FADS2: variants seen among roughly 807,000 people sequenced by gnomAD.
FADS2 encodes the protein acyl-CoA 6-desaturase.
Under a neutral mutation model 61.2 loss-of-function variants are expected in FADS2, and 18 were observed. The ratio of observed to expected loss-of-function variants is 0.29; its 90% CI spans 0.20 to 0.44. The LOEUF is 0.44. Ranked by LOEUF, FADS2 falls within the 20% of genes least tolerant of loss-of-function variation. FADS2 has a pLI of 1.00. For synonymous variants in FADS2, 203 were observed against 223.9 expected (o/e 0.91, Z 0.83); for missense variants, 322 against 572.7 (o/e 0.56, Z 4.47).
At chr11:61,836,842 T>TACACAG (rs2067178504) in intron 1 of FADS2, among the ~76,000 whole-genome samples, 1 of 152,260 alleles carries the variant, frequency 6.6e-6, no homozygotes, top group Non-Finnish European at 1.5e-5. Context: ...GAAGCTTGAT[T>TACACAG]TGATGCAGAT....
At chr11:61,820,040 T>C (rs1333926154) in intron 1 of FADS2, among the ~76,000 whole-genome samples, 1 of 151,440 alleles carries the variant, frequency 6.6e-6, no homozygotes, top group African/African-American at 2.4e-5. Context: ...CTGGCCAACA[T>C]GGTGAAACTC....
rs764463374 is a variant in FADS2, at chr11:61,862,996, T to A, written c.907T>A (p.Tyr303Asn). Reference protein sequence around the residue: ...WVDLAWAVSYYIRFFITYIPF... With the variant: ...WVDLAWAVSYNIRFFITYIPF... ...GGACCTGGCCTGGGCCGTCAGCTAC[T>A]ACATCCGGTTCTTCATCACCTACAT... The change falls in exon 8 of 12, where the codon TAC (tyrosine) becomes AAC (asparagine). Residue 303 changes from tyrosine to asparagine, a missense_variant. Transcript: ENST00000278840. 6.2e-7 allele frequency: 1 copy of A among 1,614,240 alleles called. No homozygotes were observed. Among genetic ancestry groups the A allele is most frequent in the Non-Finnish European group, 8.5e-7 (1 of 1,180,050 alleles).
rs115905905 is a variant in FADS2, at chr11:61,862,643, G to A, written c.883-329G>A. 2,356 of 325,298 alleles carry A rather than the reference G, an allele frequency of 7.2e-3. 52 individuals carry two copies. Among genetic ancestry groups the A allele is most frequent in the African/African-American group, 0.046 (2,126 of 46,472 alleles). The allele number at this position is 325,298 out of a possible 1,614,324, so 20.2% of individuals were successfully genotyped here. A position where few individuals can be genotyped will look rare whatever the true frequency, so the allele number is the denominator to read the frequency against. ...GGGGACCTGGCCCCGGGTTGGGGGC[G>A]CACCTTCAGAATCGCCCTTGCCCCA... On this transcript the variant is annotated intron_variant, in intron 7 of 11. Transcript: ENST00000278840.
chr11:61,823,757 T>C (rs1045402022), upstream of FADS2, among the ~76,000 whole-genome samples: 8 of 152,162 alleles, frequency 5.3e-5, no homozygotes, highest in African/African-American at 1.9e-4. Flanking sequence ...GCTCAAGTGA[T>C]CCTCCCACCT....
chr11:61,835,704 T>C (rs545242235), intron 1 of FADS2, among the ~76,000 whole-genome samples: 1 of 152,180 alleles, frequency 6.6e-6, no homozygotes, highest in South Asian at 2.1e-4. Flanking sequence ...CTCTTCTTTT[T>C]AATTTTGAAA....
At chr11:61,848,305 T>G in intron 5 of FADS2, 21 bp downstream of exon 5, 1 of 1,611,312 alleles carries the variant, frequency 6.2e-7, no homozygotes, top group Non-Finnish European at 8.5e-7. Context: ...GAGGATGGTG[T>G]TGACCTAGGA....
chr11:61,841,267 G>A (rs557887411), intron 4 of FADS2, among the ~76,000 whole-genome samples: 1 of 152,028 alleles, frequency 6.6e-6, no homozygotes, highest in African/African-American at 2.4e-5. Context: ...GGTCAGGCCG[G>A]TATCAAACTT....
chr11:61,847,501 T>G (rs1358291441), intron 4 of FADS2: 4 of 152,546 alleles, frequency 2.6e-5, no homozygotes, highest in Non-Finnish European at 5.9e-5. Flanking sequence ...TGTGGCTCCT[T>G]CCTTCCCTTA....
intron 10 of FADS2, 62 bp downstream of exon 10, chr11:61,863,848 C>T: frequency 7.6e-7 from 1 of 1,317,814 alleles, no homozygotes; most frequent in Non-Finnish European, 1.1e-6. Flanking sequence ...GCCGCTATCC[C>T]ACTGGGCAGA....
At chr11:61,861,358 A>AAAAAAC (rs1555078407) in intron 7 of FADS2, among the ~76,000 whole-genome samples, 1 of 93,752 alleles carries the variant, frequency 1.1e-5, no homozygotes, top group African/African-American at 3.8e-5. Context: ...CCTCTCAAAA[A>AAAAAAC]AAAAAAAAAA....
chr11:61,828,571 G>A lies in FADS2; in HGVS notation c.181G>A (p.Gly61Arg). 6.2e-7 allele frequency: 1 copy of A among 1,613,874 alleles called. No homozygotes were observed. ...IQHPGGQRVI[G>R]HYAGEDATDA... Reference sequence around the variant, plus strand: ...GCACCCGGGGGGCCAGCGGGTCATCGGGCACTACGCTGGAGAAGATGCAAC... The same window carrying A: ...GCACCCGGGGGGCCAGCGGGTCATCAGGCACTACGCTGGAGAAGATGCAAC... Residue 61 changes from glycine (G) to arginine (R), a missense_variant, in exon 1 of 12, where the codon GGG (glycine) becomes AGG (arginine). Gly to Arg is a moderately radical substitution (Grantham distance 125). Around this residue, in one of 3 missense-constraint regions of FADS2, gnomAD observed 61 missense variants for 107.4 expected, o/e 0.57. Transcript: ENST00000278840. This position sits in a 1 kb window ranked among gnomAD's most constrained non-coding sequence, Gnocchi z 6.4.
At chr11:61,862,746 G>A (rs1224663605) in intron 7 of FADS2, 5 of 564,064 alleles carry the variant, frequency 8.9e-6, no homozygotes, top group Non-Finnish European at 1.6e-5. Context: ...CGAAAAACAG[G>A]GCACAGTCAC....
chr11:61,818,874 ATT>A (rs879309902), intron 1 of FADS2, among the ~76,000 whole-genome samples: 2 of 146,354 alleles, frequency 1.4e-5, no homozygotes, highest in African/African-American at 2.5e-5. Context: ...GAAATTTAAG[ATT>A]TTTTTTTTTT....
chr11:61,827,596 C>G (rs1383838726), upstream of FADS2, among the ~76,000 whole-genome samples: 1 of 152,204 alleles, frequency 6.6e-6, no homozygotes, highest in Admixed American at 6.5e-5. This position sits in a 1 kb window ranked among gnomAD's most constrained non-coding sequence, Gnocchi z 4.5. Flanking sequence ...GGAAGGGCGT[C>G]ACCTAGCCAA....
chr11:61,852,729 C>T (rs1374953940), intron 5 of FADS2, among the ~76,000 whole-genome samples: 1 of 152,132 alleles, frequency 6.6e-6, no homozygotes. Context: ...GTTTGCATGG[C>T]CTTCCAATGA....
At chr11:61,826,796 A>T (rs2067090048), upstream of FADS2, among the ~76,000 whole-genome samples, 1 of 151,496 alleles carries the variant, frequency 6.6e-6, no homozygotes, top group Non-Finnish European at 1.5e-5. Flanking sequence ...CTGCCCCCCC[A>T]AGTACAACCC....
chr11:61,820,654 C>G (rs1051738198), intron 1 of FADS2, among the ~76,000 whole-genome samples: 12 of 152,086 alleles, frequency 7.9e-5, no homozygotes, highest in Non-Finnish European at 1.5e-4. Flanking sequence ...AATCCCTGCA[C>G]TTTGGGAGGG....
At chr11:61,862,625 T>A (rs1363918934) in intron 7 of FADS2, 2 of 310,890 alleles carry the variant, frequency 6.4e-6, no homozygotes, top group African/African-American at 4.4e-5. Flanking sequence ...GTTGGGGACC[T>A]GGCCCCGGGT....
intron 5 of FADS2, among the ~76,000 whole-genome samples, chr11:61,850,704 A>G (rs926596411): frequency 3.3e-5 from 5 of 152,190 alleles, no homozygotes; most frequent in African/African-American, 1.2e-4. Context: ...TACATTAATG[A>G]TTAAAATGAA....
Sources: gnomAD v4.1 joint callset for allele counts (sites outside exome capture counted in the v4.1 genomes callset) on GRCh38, gnomAD v4.1.1 for gene constraint, gnomAD v4.1.1 regional missense constraint, Gnocchi (gnomAD v3.1) non-coding constraint, MANE v1.5 for transcripts, NCBI Gene and HGNC (gene_info 2026-07-23, HGNC 2026-07-21) for gene names.